Variants in SPINK13 observed in about 807,000 individuals in gnomAD.
The protein encoded by SPINK13 is serine protease inhibitor Kazal-type 13.
A neutral mutation model predicts 11.0 loss-of-function variants in SPINK13; 11 were observed. The ratio of observed to expected loss-of-function variants is 1.00; its 90% CI spans 0.63 to 1.65. The LOEUF is 1.65. SPINK13 is among the 40% of genes most tolerant of loss of function. SPINK13 has a pLI of 0.00. For synonymous variants in SPINK13, 31 were observed against 35.6 expected (o/e 0.87, Z 0.46); for missense variants, 113 against 117.7 (o/e 0.96, Z 0.19).
intron 2 of SPINK13, among the ~76,000 whole-genome samples, chr5:148,271,629 A>G (rs1348478647): frequency 6.6e-6 from 1 of 151,996 alleles, no homozygotes; most frequent in African/African-American, 2.4e-5. Flanking sequence ...ATAACTTGTC[A>G]TAAAGGACTT....
At chr5:148,278,345 CT>C (rs977992956) in intron 3 of SPINK13, among the ~76,000 whole-genome samples, 20 of 152,104 alleles carry the variant, frequency 1.3e-4, no homozygotes, top group Non-Finnish European at 2.1e-4. Context: ...TTCTCTAGTT[CT>C]TTTAGTTTTG....
At chr5:148,285,788 A>T (rs1309524608) in intron 4 of SPINK13, among the ~76,000 whole-genome samples, 2 of 152,126 alleles carry the variant, frequency 1.3e-5, no homozygotes, top group Admixed American at 1.3e-4. Context: ...AAAAAATGTC[A>T]TAGGACACCT....
chr5:148,278,283 G>A (rs1339455302), intron 3 of SPINK13, among the ~76,000 whole-genome samples: 1 of 152,112 alleles, frequency 6.6e-6, no homozygotes, highest in Non-Finnish European at 1.5e-5. Flanking sequence ...GTTCTGCTCT[G>A]ATCTTAGTTA....
intron 4 of SPINK13, among the ~76,000 whole-genome samples, chr5:148,285,674 G>C (rs1756578967): frequency 6.6e-6 from 1 of 152,058 alleles, no homozygotes; most frequent in Non-Finnish European, 1.5e-5. Flanking sequence ...TAGCATTATT[G>C]CTGTGGTTAT....
intron 3 of SPINK13, 88 bp downstream of exon 3, chr5:148,274,472 G>T (rs1453935951): frequency 6.6e-5 from 72 of 1,092,680 alleles, no homozygotes; most frequent in Non-Finnish European, 9.6e-5. Flanking sequence ...GGAAAGTCAG[G>T]CACAGTGGCT....
chr5:148,279,090 GCTTT>G (rs1756474437), intron 3 of SPINK13, among the ~76,000 whole-genome samples: 1 of 102,534 alleles, frequency 9.8e-6, no homozygotes, highest in Non-Finnish European at 1.9e-5. Flanking sequence ...TGCAACCCCT[GCTTT>G]TTTTTTTTTT....
In SPINK13 at chr5:148,274,329, T is replaced by C. The variant is rs1756393117; in HGVS notation, c.71-18T>C. 6.2e-7 allele frequency: 1 copy of C among 1,605,296 alleles called. No homozygotes were observed. Among genetic ancestry groups the C allele is most frequent in the Non-Finnish European group, 8.5e-7 (1 of 1,172,356 alleles). ...GAACTATTTCCTTTAACTTACTGTG[T>C]TTATTCTTTATTAGCAGGAATTTTC... On this transcript the variant is annotated intron_variant, in intron 2 of 4. Transcript: ENST00000398450.
intron 3 of SPINK13, among the ~76,000 whole-genome samples, chr5:148,275,510 T>C (rs1392241857): frequency 6.6e-6 from 1 of 152,194 alleles, no homozygotes; most frequent in Non-Finnish European, 1.5e-5. Flanking sequence ...AGTAAAGAGA[T>C]TGCTGTGTCA....
At chr5:148,274,313 C>G in intron 2 of SPINK13, 34 bp from the exon 3 acceptor site, 1 of 1,558,516 alleles carries the variant, frequency 6.4e-7, no homozygotes, top group Non-Finnish European at 8.8e-7. Flanking sequence ...AGAACTATTT[C>G]CTTTAACTTA....
intron 1 of SPINK13, among the ~76,000 whole-genome samples, chr5:148,269,664 T>G (rs1435332747): frequency 6.6e-6 from 1 of 152,180 alleles, no homozygotes; most frequent in African/African-American, 2.4e-5. Context: ...ATTCTTTACA[T>G]GTCTGTATTC....
intron 2 of SPINK13, among the ~76,000 whole-genome samples, chr5:148,271,922 C>A (rs1756357768): frequency 2.0e-5 from 3 of 152,156 alleles, no homozygotes; most frequent in African/African-American, 7.2e-5. Flanking sequence ...CACGCCTGGC[C>A]TATTATTAGG....
intron 2 of SPINK13, chr5:148,270,910 A>C (rs1238930842): frequency 6.6e-6 from 1 of 152,252 alleles, no homozygotes; most frequent in Non-Finnish European, 1.5e-5. Context: ...GAAGCTGGAA[A>C]AGGTAAGGAA....
intron 3 of SPINK13, among the ~76,000 whole-genome samples, chr5:148,281,292 C>T (rs1272671486): frequency 6.6e-6 from 1 of 152,072 alleles, no homozygotes; most frequent in Non-Finnish European, 1.5e-5. Context: ...GGTGAGTGAA[C>T]AGTTCTGTCT....
At chr5:148,273,077 T>G (rs13362082) in intron 2 of SPINK13, among the ~76,000 whole-genome samples, 11,704 of 152,242 alleles carry the variant, frequency 0.077, 1,460 homozygotes, top group African/African-American at 0.27. Flanking sequence ...TAAGGCTGAA[T>G]TTCCTTTAGA....
intron 3 of SPINK13, among the ~76,000 whole-genome samples, chr5:148,279,068 A>C (rs1756473735): frequency 6.8e-6 from 1 of 146,058 alleles, no homozygotes. Flanking sequence ...CTGTTTTATC[A>C]GAGACTAGAA....
chr5:148,274,246 T>C (rs1260019491), intron 2 of SPINK13, 101 bp from the exon 3 acceptor site: 2 of 699,238 alleles, frequency 2.9e-6, no homozygotes, highest in African/African-American at 1.8e-5. Flanking sequence ...ATATTTTCAT[T>C]ATTCAATTTT....
chr5:148,269,975 T>A (rs933558476), intron 1 of SPINK13, 65 bp from the exon 2 acceptor site: 40 of 1,162,428 alleles, frequency 3.4e-5, no homozygotes, highest in Non-Finnish European at 4.6e-5. Context: ...TAGGGTATTG[T>A]GTTCTCTCAC....
At chr5:148,272,330 G>A (rs965882511) in intron 2 of SPINK13, among the ~76,000 whole-genome samples, 7 of 152,058 alleles carry the variant, frequency 4.6e-5, no homozygotes, top group Non-Finnish European at 1.5e-5. Context: ...GTTACTGCAT[G>A]AACTAATAAC....
At chr5:148,273,674 G>A (rs1004045847) in intron 2 of SPINK13, among the ~76,000 whole-genome samples, 1 of 152,148 alleles carries the variant, frequency 6.6e-6, no homozygotes, top group African/African-American at 2.4e-5. Flanking sequence ...TAAATATCGT[G>A]CAGAATTTTT....
Sources: gnomAD v4.1 joint callset for allele counts (sites outside exome capture counted in the v4.1 genomes callset) on GRCh38, gnomAD v4.1.1 for gene constraint, MANE v1.5 for transcripts, NCBI Gene and HGNC (gene_info 2026-07-23, HGNC 2026-07-21) for gene names.